The following CRKL variants were observed in gnomAD, a reference collection of about 807,000 sequenced individuals.
CRKL encodes the protein crk-like protein.
CRKL carries 3 observed loss-of-function variants against 23.0 expected under a neutral mutation model. The ratio of observed to expected loss-of-function variants is 0.13; its 90% CI spans 0.06 to 0.34. The LOEUF (loss-of-function observed/expected upper bound fraction) is 0.34, where lower values mean the gene tolerates loss of function less well. CRKL is among the 10% of genes least tolerant of loss of function. CRKL has a pLI of 1.00. For missense variants in CRKL, 256 were observed against 394.5 expected, an observed-to-expected ratio of 0.65 and a Z score of 2.97; for synonymous variants, 188 against 160.7, an observed-to-expected ratio of 1.17 and a Z score of -1.28.
chr22:20,921,386 A>C (rs1920991587), intron 1 of CRKL, among the ~76,000 whole-genome samples: 1 of 152,180 alleles, frequency 6.6e-6, no homozygotes, highest in East Asian at 1.9e-4. Flanking sequence ...AGAGAATTAT[A>C]ACCCAGTGTA....
chr22:20,934,143 G>A lies in CRKL; in HGVS notation c.676G>A (p.Ala226Thr), dbSNP rs1165973049. 1.9e-6 allele frequency: 3 copies of A among 1,614,190 alleles called. No homozygotes were observed. In the Admixed American group the frequency reaches 5.0e-5, roughly 27 times the overall value. The part of the protein sequence containing the change: ...LPAVSGSPGA[A>T]ITPLPSTQNG... ...TGCAGTTTCCGGTTCTCCTGGGGCA[G>A]CAATCACCCCTTTGCCATCCACACA... The change falls in exon 2 of 3, where the codon GCA becomes ACA. Residue 226 changes from alanine to threonine, a missense_variant. Around this residue, in one of 3 missense-constraint regions of CRKL, gnomAD observed 129 missense variants for 222.1 expected, o/e 0.58. Transcript: ENST00000354336.
At chr22:20,936,234 C>CA (rs1006719197) in intron 2 of CRKL, among the ~76,000 whole-genome samples, 1 of 152,034 alleles carries the variant, frequency 6.6e-6, no homozygotes, top group Non-Finnish European at 1.5e-5. Context: ...CCTCTTGCTT[C>CA]AAAAAAACCA....
chr22:20,931,234 C>T (rs754518444), intron 1 of CRKL, among the ~76,000 whole-genome samples: 4 of 152,036 alleles, frequency 2.6e-5, no homozygotes, highest in Admixed American at 6.6e-5. Flanking sequence ...AGTGAGACCC[C>T]CATCTCTACA....
At chr22:20,941,578 GTATA>G (rs1471823059) in intron 2 of CRKL, among the ~76,000 whole-genome samples, 1 of 38,984 alleles carries the variant, frequency 2.6e-5, no homozygotes, top group African/African-American at 1.1e-4. Flanking sequence ...GTGTGTGTGT[GTATA>G]TATATATTTT....
chr22:20,942,232 G>A (rs1921908161), intron 2 of CRKL, among the ~76,000 whole-genome samples: 1 of 152,170 alleles, frequency 6.6e-6, no homozygotes, highest in Non-Finnish European at 1.5e-5. Context: ...AGTTCATCCA[G>A]ATTGTAGCAT....
chr22:20,927,570 C>T (rs2147899348), intron 1 of CRKL, among the ~76,000 whole-genome samples: 1 of 145,768 alleles, frequency 6.9e-6, no homozygotes, highest in South Asian at 2.3e-4. Flanking sequence ...AGTAAGGGTG[C>T]CGTGGCTCAC....
At position 20,917,801 on chromosome 22, in the gene CRKL, C is replaced by G; in HGVS notation, c.-134C>G. 1.2e-6 allele frequency: 1 copy of G among 860,726 alleles called. No individual in the cohort carries two copies. The highest frequency in any genetic ancestry group is 2.7e-5 in the East Asian group (1 of 37,456). 53.3% of individuals were successfully genotyped at this position (860,726 alleles called of 1,614,324 possible). A position where few individuals can be genotyped will look rare whatever the true frequency, so the allele number is the denominator to read the frequency against. On this transcript the variant is annotated 5_prime_UTR_variant, in exon 1 of 3. Coordinates refer to ENST00000354336, the MANE Select transcript of CRKL (RefSeq NM_005207.4). ...CCGGAGCCGAGAGGAAAGTGCTGGC[C>G]CAGCCCTCTGAGCGCTCCTCGAGGT...
chr22:20,924,602 C>A (rs1404930337), intron 1 of CRKL, among the ~76,000 whole-genome samples: 3 of 152,202 alleles, frequency 2.0e-5, no homozygotes, highest in African/African-American at 7.2e-5. Flanking sequence ...CGCCTGTAAT[C>A]CCAGCACTTT....
chr22:20,930,529 G>A (rs1258775308), intron 1 of CRKL, among the ~76,000 whole-genome samples: 6 of 151,884 alleles, frequency 4.0e-5, no homozygotes, highest in African/African-American at 1.2e-4. Flanking sequence ...ACAGGCGCAC[G>A]CCACCACACC....
At chr22:20,939,994 T>C (rs1351942706) in intron 2 of CRKL, among the ~76,000 whole-genome samples, 1 of 152,032 alleles carries the variant, frequency 6.6e-6, no homozygotes, top group Non-Finnish European at 1.5e-5. Flanking sequence ...TTCACCATGT[T>C]GGCCAGGCTG....
In CRKL at chr22:20,942,939, A is replaced by G. The variant is rs145289729; in HGVS notation, c.778-6772A>G. On this transcript the variant is annotated intron_variant, in intron 2 of 2. Coordinates refer to ENST00000354336, the MANE Select transcript of CRKL (RefSeq NM_005207.4). ...TAGCTTTTTGAGGAACTGTCAAACTATTTTCCATAGCAGCTGTACCATATT... is the reference window on the plus strand; with the variant it reads ...TAGCTTTTTGAGGAACTGTCAAACTGTTTTCCATAGCAGCTGTACCATATT... Among the ~76,000 whole-genome samples the G allele has an allele frequency of 3.0e-3, 460 of 152,050 alleles. 1 individual carries two copies. Among genetic ancestry groups the G allele is most frequent in the African/African-American group, 0.011 (447 of 41,466 alleles).
rs1198699701 is a variant in CRKL at position 20,941,588 on chromosome 22, ATTTTTT to A, written c.777+7363_777+7368del. 1.2e-4 allele frequency among the ~76,000 whole-genome samples: 4 copies of A among 33,554 alleles called. 1 individual carries two copies. The highest frequency in any genetic ancestry group is 2.0e-4 in the Non-Finnish European group (4 of 19,818). The allele number at this position is 33,554 out of a possible 152,430, so 22.0% of individuals were successfully genotyped here. A position where few individuals can be genotyped will look rare whatever the true frequency, so the allele number is the denominator to read the frequency against. On this transcript the variant is annotated intron_variant, in intron 2 of 2. Coordinates refer to ENST00000354336, the MANE Select transcript of CRKL (RefSeq NM_005207.4). ...TGTGTGTGTGTGTGTGTATATATATATTTTTTTTTTTTTTTTTTTTTTTTGAGATAG... is the reference window on the plus strand; with the variant it reads ...TGTGTGTGTGTGTGTGTATATATATATTTTTTTTTTTTTTTTTTGAGATAG...
Position 20,951,485 on chromosome 22 carries a change from C to T in CRKL, c.*1640C>T, listed in dbSNP as rs1033257776. On this transcript the variant is annotated 3_prime_UTR_variant, in exon 3 of 3. Coordinates refer to ENST00000354336, the MANE Select transcript of CRKL (RefSeq NM_005207.4). ...CGTGTGGTTCATCCATCATCTGCTG[C>T]ACATAGCAGACTAGAATTCTGGGAA... 8.8e-6 allele frequency: 2 copies of T among 228,404 alleles called. No homozygotes were observed. Among genetic ancestry groups the T allele is most frequent in the African/African-American group, 4.4e-5 (2 of 45,064 alleles). The allele number at this position is 228,404 out of a possible 1,614,324, so 14.1% of individuals were successfully genotyped here. A position where few individuals can be genotyped will look rare whatever the true frequency, so the allele number is the denominator to read the frequency against.
chr22:20,924,481 A>G (rs1283309013), intron 1 of CRKL, among the ~76,000 whole-genome samples: 3 of 152,244 alleles, frequency 2.0e-5, no homozygotes, highest in Non-Finnish European at 2.9e-5. Context: ...TAATCAGCAT[A>G]GAATTCAACT....
intron 2 of CRKL, among the ~76,000 whole-genome samples, chr22:20,941,588 A>ATATATATAT (rs1247116681): frequency 8.9e-5 from 3 of 33,554 alleles, no homozygotes; most frequent in African/African-American, 3.6e-4. Context: ...GTATATATAT[A>ATATATATAT]TTTTTTTTTT....
rs138882903 is a variant in CRKL, at chr22:20,917,987, C to G, written c.53C>G (p.Pro18Arg). The G allele has an allele frequency of 3.7e-6, 6 of 1,614,026 alleles. No homozygotes were observed. The highest frequency in any genetic ancestry group is 4.2e-6 in the Non-Finnish European group (5 of 1,180,038). ...SSDRSAWYMG[P>R]VSRQEAQTRL... ...GACCGCTCCGCCTGGTATATGGGGC[C>G]GGTGTCTCGCCAGGAGGCGCAGACC... Residue 18 changes from proline to arginine, a missense_variant, in exon 1 of 3, where the codon CCG becomes CGG. Pro to Arg is a moderately radical substitution (Grantham distance 103, BLOSUM62 -2). Transcript: ENST00000354336.
intron 2 of CRKL, 95 bp downstream of exon 2, chr22:20,934,339 T>G: frequency 9.0e-7 from 1 of 1,110,300 alleles, no homozygotes; most frequent in Non-Finnish European, 1.3e-6. Context: ...CTTATATTCA[T>G]GGAATTAGAG....
At chr22:20,934,312 G>C (rs909188537) in intron 2 of CRKL, 68 bp downstream of exon 2, 3 of 1,353,330 alleles carry the variant, frequency 2.2e-6, no homozygotes, top group Non-Finnish European at 3.0e-6. Context: ...TTTTAGTTTA[G>C]TTTCTGCTCA....
chr22:20,927,521 T>TTG (rs1921267530), intron 1 of CRKL, among the ~76,000 whole-genome samples: 1 of 151,018 alleles, frequency 6.6e-6, no homozygotes, highest in Non-Finnish European at 1.5e-5. Flanking sequence ...ACCTTTTTTT[T>TTG]TTTTTTTTTA....
Sources: allele counts gnomAD v4.1 joint callset (sites outside exome capture counted in the v4.1 genomes callset), GRCh38; gene constraint gnomAD v4.1.1; regional missense constraint gnomAD v4.1.1; transcripts MANE v1.5; gene names NCBI Gene and HGNC (gene_info 2026-07-23, HGNC 2026-07-21).